Variants in CEP57L1 observed in about 807,000 individuals in gnomAD.
CEP57L1 encodes the protein centrosomal protein CEP57L1.
In CEP57L1, 37 loss-of-function variants were observed where a neutral mutation model predicts 61.0. That is an observed-to-expected ratio of 0.61 (90% CI 0.47 to 0.80). The LOEUF (loss-of-function observed/expected upper bound fraction) is 0.80, where lower values mean the gene tolerates loss of function less well. Among genes scored for constraint, CEP57L1 ranks in the 30% least tolerant of loss-of-function variants. The pLI is 0.00. For missense variants in CEP57L1, 422 were observed against 524.7 expected (o/e 0.80, Z 1.91); for synonymous variants, 137 against 162.3 (o/e 0.84, Z 1.19).
At position 109,164,529 on chromosome 6, in the gene CEP57L1, T is replaced by C. The variant is rs1172941628; in HGVS notation, c.*1559T>C. Among the ~76,000 whole-genome samples, 1 of 152,262 alleles carries C rather than the reference T, an allele frequency of 6.6e-6. No homozygotes were observed. The highest frequency in any genetic ancestry group is 1.9e-4 in the East Asian group (1 of 5,164). On this transcript the variant is annotated 3_prime_UTR_variant, in exon 11 of 11. Coordinates refer to ENST00000517392, the MANE Select transcript of CEP57L1 (RefSeq NM_001271852.3). The stretch of plus-strand genomic sequence containing the variant: ...GCTCCTCAGCCCTGGAGATGTTCCA[T>C]AGGGTGTTTGATCTAAACTCAGTTG...
intron 3 of CEP57L1, among the ~76,000 whole-genome samples, 175 bp from the exon 4 acceptor site, chr6:109,149,943 T>C (rs1772410475): frequency 1.3e-5 from 2 of 152,178 alleles, no homozygotes; most frequent in South Asian, 4.1e-4. Flanking sequence ...TGTATAAGAA[T>C]GCTCGTGATT....
rs139973185 is a variant in CEP57L1, at chr6:109,116,691, G to A, written c.-4+21116G>A. 1.3e-3 allele frequency among the ~76,000 whole-genome samples: 196 copies of A among 152,144 alleles called. 2 individuals are homozygous for A. Among genetic ancestry groups the A allele is most frequent in the African/African-American group, 4.4e-3 (182 of 41,506 alleles). On this transcript the variant is annotated intron_variant, in intron 1 of 10. Transcript: ENST00000517392. ...ACATGGTGAGAATTGTGACCTTCAG[G>A]AGTTTTTTCTAAGTTCTAAAAATCT...
chr6:109,148,934 T>C (rs1439369930), intron 3 of CEP57L1, among the ~76,000 whole-genome samples: 1 of 152,244 alleles, frequency 6.6e-6, no homozygotes, highest in African/African-American at 2.4e-5. Flanking sequence ...GAAATGTCTG[T>C]TCATGTCCTT....
chr6:109,136,770 T>G (rs1357623855), intron 1 of CEP57L1, among the ~76,000 whole-genome samples: 1 of 142,826 alleles, frequency 7.0e-6, no homozygotes, highest in East Asian at 2.0e-4. Flanking sequence ...ATTTATTTTT[T>G]TGAGAGAGAG....
intron 1 of CEP57L1, among the ~76,000 whole-genome samples, chr6:109,120,957 C>CAG (rs1554277164): frequency 0.019 from 2,747 of 141,032 alleles, 55 homozygotes; most frequent in African/African-American, 0.049. Flanking sequence ...CACACACACA[C>CAG]AGTCACTCAC....
intron 1 of CEP57L1, among the ~76,000 whole-genome samples, chr6:109,098,886 T>C (rs1471613822): frequency 1.3e-5 from 2 of 152,152 alleles, no homozygotes; most frequent in Admixed American, 6.5e-5. Flanking sequence ...AAAGTAATAA[T>C]CCAGGTGACA....
intron 1 of CEP57L1, among the ~76,000 whole-genome samples, chr6:109,139,233 AGT>A (rs1771076391): frequency 6.6e-6 from 1 of 152,208 alleles, no homozygotes; most frequent in East Asian, 1.9e-4. Context: ...GGAGCTGGAC[AGT>A]GTGAGATTTC....
intron 2 of CEP57L1, among the ~76,000 whole-genome samples, chr6:109,146,550 T>C (rs1245218419): frequency 1.3e-5 from 2 of 151,996 alleles, no homozygotes; most frequent in African/African-American, 4.8e-5. Context: ...CAATAATAGA[T>C]ATAGTGTTTT....
chr6:109,161,419 T>A (rs1435082866), intron 10 of CEP57L1, among the ~76,000 whole-genome samples: 1 of 152,124 alleles, frequency 6.6e-6, no homozygotes, highest in Non-Finnish European at 1.5e-5. Context: ...CCAGGAACCC[T>A]CAAGTCACAT....
intron 1 of CEP57L1, among the ~76,000 whole-genome samples, chr6:109,131,501 C>CCTTTTT (rs1774199918): frequency 1.3e-5 from 2 of 151,828 alleles, no homozygotes; most frequent in South Asian, 4.2e-4. Flanking sequence ...AACTCCTTTT[C>CCTTTTT]CTTTTTTGAA....
At chr6:109,116,893 T>C (rs1484647778) in intron 1 of CEP57L1, among the ~76,000 whole-genome samples, 1 of 152,112 alleles carries the variant, frequency 6.6e-6, no homozygotes, top group African/African-American at 2.4e-5. Context: ...TAAAGAATGA[T>C]ATACAAAAAA....
At position 109,168,804 on chromosome 6, in the gene CEP57L1, C is replaced by G. The variant is rs1035713238; in HGVS notation, c.*5834C>G. Among the ~76,000 whole-genome samples the G allele has an allele frequency of 3.3e-5, 5 of 151,406 alleles. No individual in the cohort carries two copies. The highest frequency in any genetic ancestry group is 5.9e-5 in the Non-Finnish European group (4 of 67,796). Reference sequence around the variant, plus strand: ...AGAGATGGGGTTTCACTGTATTGCCCAGGCTGGTCACGAACTCCTGAGCTC... The same window carrying G: ...AGAGATGGGGTTTCACTGTATTGCCGAGGCTGGTCACGAACTCCTGAGCTC... On this transcript the variant is annotated 3_prime_UTR_variant, in exon 11 of 11. Transcript: ENST00000517392.
intron 1 of CEP57L1, among the ~76,000 whole-genome samples, chr6:109,108,649 T>G (rs962370467): frequency 6.6e-6 from 1 of 152,190 alleles, no homozygotes; most frequent in Non-Finnish European, 1.5e-5. Context: ...GAGAGACAAA[T>G]TCTATTTCTT....
intron 1 of CEP57L1, among the ~76,000 whole-genome samples, chr6:109,143,184 C>A (rs1304956328): frequency 6.6e-6 from 1 of 152,046 alleles, no homozygotes; most frequent in African/African-American, 2.4e-5. Flanking sequence ...TTTTTAGAAC[C>A]CACATATGAG....
In CEP57L1 at chr6:109,128,868, TGGTTA is replaced by T. The variant is rs1478640508; in HGVS notation, c.-3-16349_-3-16345del. ...GTCTCTCCTAAGGTCTGGTAAGCCT[TGGTTA>T]GATAGCTTATATGTAAGAGTGGAGC... On this transcript the variant is annotated intron_variant, in intron 1 of 10. Coordinates refer to ENST00000517392, the MANE Select transcript of CEP57L1 (RefSeq NM_001271852.3). 5.3e-5 allele frequency among the ~76,000 whole-genome samples: 8 copies of T among 152,330 alleles called. No homozygotes were observed. The East Asian group carries it at 1.5e-3, about 29-fold the overall frequency.
intron 1 of CEP57L1, among the ~76,000 whole-genome samples, chr6:109,130,090 A>G (rs1192060875): frequency 6.6e-6 from 1 of 152,074 alleles, no homozygotes; most frequent in Non-Finnish European, 1.5e-5. Context: ...TGCTTTTGTT[A>G]TGGAACCAAG....
intron 1 of CEP57L1, among the ~76,000 whole-genome samples, chr6:109,121,582 C>T (rs747502907): frequency 1.6e-4 from 25 of 152,280 alleles, no homozygotes; most frequent in Non-Finnish European, 3.2e-4. Flanking sequence ...TGTAAATCAT[C>T]ATCTTTGGCA....
At chr6:109,104,040 GTTT>G (rs776076258) in intron 1 of CEP57L1, among the ~76,000 whole-genome samples, 4 of 131,240 alleles carry the variant, frequency 3.0e-5, no homozygotes, top group African/African-American at 8.3e-5. Flanking sequence ...TTTAGTTTTT[GTTT>G]TTTTTTTTTT....
intron 1 of CEP57L1, among the ~76,000 whole-genome samples, chr6:109,096,284 C>T (rs910153005): frequency 3.3e-5 from 5 of 152,154 alleles, no homozygotes; most frequent in African/African-American, 9.7e-5. Context: ...TTTCGTCTTG[C>T]TAGGCACTGA....
Sources: allele counts gnomAD v4.1 joint callset (sites outside exome capture counted in the v4.1 genomes callset), GRCh38; gene constraint gnomAD v4.1.1; transcripts MANE v1.5; gene names NCBI Gene and HGNC (gene_info 2026-07-23, HGNC 2026-07-21).